Variants in MYO7A observed in about 807,000 individuals in gnomAD.
MYO7A encodes unconventional myosin-VIIa.
In MYO7A, 210 loss-of-function variants were observed where a neutral mutation model predicts 263.8. That is an observed-to-expected ratio of 0.80 (90% confidence interval 0.71 to 0.89). The LOEUF (loss-of-function observed/expected upper bound fraction) is 0.89, where lower values mean the gene tolerates loss of function less well. Among genes scored for constraint, MYO7A ranks in the 40% least tolerant of loss-of-function variants. The pLI is 0.00. For synonymous variants in MYO7A, 1,239 were observed against 1,197.3 expected, an observed-to-expected ratio of 1.03 and a Z score of -0.72; for missense variants, 2,820 against 2,968.3, an observed-to-expected ratio of 0.95 and a Z score of 1.16.
At chr11:77,156,176 G>GC in intron 5 of MYO7A, 85 bp downstream of exon 5, 3 of 1,457,122 alleles carry the variant, frequency 2.1e-6, no homozygotes, top group Non-Finnish European at 2.8e-6. Context: ...TCTAGGAATT[G>GC]CCCCCGCTGT....
chr11:77,214,314 A>T (rs1958032554), intron 48 of MYO7A, among the ~76,000 whole-genome samples: 1 of 152,216 alleles, frequency 6.6e-6, no homozygotes, highest in Admixed American at 6.5e-5. Context: ...TCAAACTTCC[A>T]AGGCATAGCT....
chr11:77,159,445 A>G lies in MYO7A; in HGVS notation c.1004-2A>G. ...TGATGCTGTGCCCCTTGCTGCCAAC[A>G]GCACGCACATTTGAAAACCTGGATG... On this transcript the variant is annotated splice_acceptor_variant, in intron 9 of 48. Transcript: ENST00000409709. LOFTEE classifies it high-confidence loss of function. 6.5e-7 allele frequency: 1 copy of G among 1,533,462 alleles called. No homozygotes were observed. Among genetic ancestry groups the G allele is most frequent in the Non-Finnish European group, 8.8e-7 (1 of 1,131,594 alleles). The allele number at this position is 1,533,462 out of a possible 1,614,324, so 95.0% of individuals were successfully genotyped here.
At chr11:77,162,522 G>A (rs782761960) in intron 13 of MYO7A, among the ~76,000 whole-genome samples, 192 bp downstream of exon 13, 8 of 152,316 alleles carry the variant, frequency 5.3e-5, no homozygotes, top group South Asian at 4.1e-4. Flanking sequence ...TCTGGGCCAG[G>A]CCATGAAGAT....
At position 77,201,592 on chromosome 11, in the gene MYO7A, G is replaced by A. The variant is rs1314035852; in HGVS notation, c.4997G>A (p.Ser1666Asn). ...CAGCGTGGGGACTTCCCCACCGACA[G>A]TGTGTACGTCATGCCCACTGTCACC... Reference protein sequence around the residue: ...TKQRGDFPTDSVYVMPTVTMP... With the variant: ...TKQRGDFPTDNVYVMPTVTMP... Residue 1666 changes from serine (S) to asparagine (N), a missense_variant, in exon 36 of 49, where the codon AGT becomes AAT. Coordinates refer to ENST00000409709, the MANE Select transcript of MYO7A (RefSeq NM_000260.4). 1 of 1,613,926 alleles carries A rather than the reference G, an allele frequency of 6.2e-7. No individual in the cohort carries two copies. Among genetic ancestry groups the A allele is most frequent in the Admixed American group, 1.7e-5 (1 of 60,016 alleles).
At chr11:77,171,874 C>T (rs1954122556) in intron 15 of MYO7A, among the ~76,000 whole-genome samples, 1 of 152,212 alleles carries the variant, frequency 6.6e-6, no homozygotes, top group Admixed American at 6.5e-5. Context: ...TCACAGTATT[C>T]TCAGAGGGGA....
chr11:77,130,735 C>A, intron 2 of MYO7A, 83 bp downstream of exon 2: 2 of 1,471,436 alleles, frequency 1.4e-6, no homozygotes, highest in Non-Finnish European at 1.9e-6. Flanking sequence ...GGACACCCTC[C>A]CCAGGGTGTT....
chr11:77,182,302 C>T (rs1427417191), intron 24 of MYO7A, 122 bp from the exon 25 acceptor site: 1 of 1,440,376 alleles, frequency 6.9e-7, no homozygotes, highest in Non-Finnish European at 9.3e-7. Context: ...CTGCGGTGCC[C>T]AGCCTGAGGG....
chr11:77,190,404 C>A (rs1416419677), intron 29 of MYO7A, among the ~76,000 whole-genome samples: 2 of 152,192 alleles, frequency 1.3e-5, no homozygotes, highest in Non-Finnish European at 2.9e-5. Context: ...AATGCCTTTA[C>A]CTGCCACATG....
chr11:77,202,424 G>C lies in MYO7A; in HGVS notation c.5168G>C (p.Arg1723Thr). ...GAGGAGTTTTCCTATGACTACTTCA[G>C]GTGATGCCTCCTGGGGAAGGATGGG... Reference protein sequence around the residue: ...TLEEFSYDYFRPPPKHTLSRV... With the variant: ...TLEEFSYDYFTPPPKHTLSRV... Residue 1723 changes from arginine to threonine, a missense_variant and splice_region_variant, in exon 37 of 49, where the codon AGG becomes ACG. Arg to Thr is a moderately conservative substitution (Grantham distance 71, BLOSUM62 -1). Transcript: ENST00000409709. 1.9e-6 allele frequency: 3 copies of C among 1,550,998 alleles called. No homozygotes were observed. The South Asian group carries it at 3.6e-5, about 18-fold the overall frequency.
At chr11:77,132,592 A>C (rs530930762) in intron 2 of MYO7A, among the ~76,000 whole-genome samples, 1 of 152,182 alleles carries the variant, frequency 6.6e-6, no homozygotes, top group African/African-American at 2.4e-5. Context: ...TGGTTCAAGC[A>C]ATTCTCCTGC....
At chr11:77,201,358 A>G in intron 35 of MYO7A, 90 bp from the exon 36 acceptor site, 3 of 1,314,986 alleles carry the variant, frequency 2.3e-6, no homozygotes, top group Admixed American at 2.0e-5. Flanking sequence ...GTGGGCAGAC[A>G]TGAGTGATAA....
At chr11:77,186,888 C>G (rs1243522565) in intron 27 of MYO7A, among the ~76,000 whole-genome samples, 3 of 152,216 alleles carry the variant, frequency 2.0e-5, no homozygotes, top group Non-Finnish European at 4.4e-5. Flanking sequence ...GCTTTCCTCT[C>G]TAATCATTTC....
At chr11:77,143,541 G>A (rs74637792) in intron 3 of MYO7A, among the ~76,000 whole-genome samples, 6,668 of 152,350 alleles carry the variant, frequency 0.044, 198 homozygotes, top group Admixed American at 0.073. Context: ...GCCTGCCCCG[G>A]AGAAGGTGGC....
chr11:77,174,936 G>A (rs1555079155), intron 17 of MYO7A, 22 bp downstream of exon 17: 2 of 1,602,580 alleles, frequency 1.2e-6, no homozygotes, highest in Non-Finnish European at 1.7e-6. Flanking sequence ...AGTGCACAGA[G>A]GGCAGGAGGG....
chr11:77,189,391 C>G lies in MYO7A; in HGVS notation c.3551C>G (p.Ser1184Cys). 1 of 1,613,876 alleles carries G rather than the reference C, an allele frequency of 6.2e-7. No homozygotes were observed. Among genetic ancestry groups the G allele is most frequent in the Non-Finnish European group, 8.5e-7 (1 of 1,179,904 alleles). The change falls in exon 28 of 49, where the codon TCC (serine) becomes TGC (cysteine). Residue 1184 changes from serine to cysteine, a missense_variant. Coordinates refer to ENST00000409709, the MANE Select transcript of MYO7A (RefSeq NM_000260.4). ...QISKQLTHNP[S>C]KSSYARGWIL... Reference sequence around the variant, plus strand: ...AGCAAGCAGCTGACCCACAACCCCTCCAAGAGCAGCTATGCCCGGGGCTGG... The same window carrying G: ...AGCAAGCAGCTGACCCACAACCCCTGCAAGAGCAGCTATGCCCGGGGCTGG...
chr11:77,155,821 C>G, intron 4 of MYO7A, 86 bp from the exon 5 acceptor site: 1 of 1,398,354 alleles, frequency 7.2e-7, no homozygotes. Flanking sequence ...CTCCAGGGTG[C>G]TGGAGCAGGG....
chr11:77,162,371 G>T (rs990260730), intron 13 of MYO7A, 41 bp downstream of exon 13: 2 of 1,525,452 alleles, frequency 1.3e-6, no homozygotes, highest in Non-Finnish European at 1.8e-6. Flanking sequence ...TCTTGGGTGC[G>T]CACAGCTTCC....
chr11:77,199,943 T>C lies in MYO7A; in HGVS notation c.4852+125T>C, dbSNP rs1160077587. On this transcript the variant is annotated intron_variant, in intron 35 of 48. Coordinates refer to ENST00000409709, the MANE Select transcript of MYO7A (RefSeq NM_000260.4). ...GGGAGATTTATGAAGAAAAGAGGTTTATTTGGCTCACAGTTCTGCAGGCAC... is the reference window on the plus strand; with the variant it reads ...GGGAGATTTATGAAGAAAAGAGGTTCATTTGGCTCACAGTTCTGCAGGCAC... The C allele has an allele frequency of 3.7e-6, 4 of 1,079,670 alleles. No individual in the cohort carries two copies. The South Asian group carries it at 5.7e-5, about 15-fold the overall frequency. The allele number at this position is 1,079,670 out of a possible 1,614,324, so 66.9% of individuals were successfully genotyped here. A position where few individuals can be genotyped will look rare whatever the true frequency, so the allele number is the denominator to read the frequency against.
chr11:77,153,539 T>TC (rs1555058764), intron 4 of MYO7A, among the ~76,000 whole-genome samples: 1 of 152,012 alleles, frequency 6.6e-6, no homozygotes, highest in Non-Finnish European at 1.5e-5. Context: ...CGTCTCAGCA[T>TC]CCCCCATGTC....
Sources: allele counts gnomAD v4.1 joint callset (sites outside exome capture counted in the v4.1 genomes callset), GRCh38; gene constraint gnomAD v4.1.1; transcripts MANE v1.5; gene names NCBI Gene and HGNC (gene_info 2026-07-23, HGNC 2026-07-21).